Variants in SORCS2 observed in about 807,000 individuals in gnomAD.
SORCS2 encodes the protein sortilin related VPS10 domain containing receptor 2.
A neutral mutation model predicts 141.6 loss-of-function variants in SORCS2; 100 were observed. The observed-to-expected ratio is 0.71, with a 90% CI of 0.60 to 0.83. The LOEUF (loss-of-function observed/expected upper bound fraction) is 0.83. Ranked by LOEUF, SORCS2 falls within the 40% of genes least tolerant of loss-of-function variation. The pLI is 0.00. For missense variants in SORCS2, 1,646 were observed against 1,560.2 expected (o/e 1.05, Z -0.93); for synonymous variants, 789 against 676.9 (o/e 1.17, Z -2.57).
intron 1 of SORCS2, among the ~76,000 whole-genome samples, chr4:7,308,396 T>C (rs548034652): frequency 5.9e-5 from 9 of 152,220 alleles, no homozygotes; most frequent in African/African-American, 1.9e-4. Context: ...TGGGGACTTT[T>C]CTGGCCTGTG....
At chr4:7,200,959 C>A (rs1727452501) in intron 1 of SORCS2, among the ~76,000 whole-genome samples, 1 of 152,218 alleles carries the variant, frequency 6.6e-6, no homozygotes, top group Non-Finnish European at 1.5e-5. Context: ...GGCCTCAGCT[C>A]TTTACCGAGC....
intron 3 of SORCS2, among the ~76,000 whole-genome samples, chr4:7,558,399 C>T (rs1714287599): frequency 6.6e-6 from 1 of 152,076 alleles, no homozygotes; most frequent in Non-Finnish European, 1.5e-5. Flanking sequence ...TGCCAAGTGT[C>T]CCTTGGGGGC....
At chr4:7,520,557 A>T in intron 2 of SORCS2, among the ~76,000 whole-genome samples, 1 of 152,184 alleles carries the variant, frequency 6.6e-6, no homozygotes, top group East Asian at 1.9e-4. Context: ...GTGGGCTCAG[A>T]ATACCAGCAA....
chr4:7,640,860 C>T (rs1456498668), intron 4 of SORCS2, among the ~76,000 whole-genome samples: 3 of 152,128 alleles, frequency 2.0e-5, no homozygotes, highest in Non-Finnish European at 4.4e-5. Flanking sequence ...AGGAATAGCA[C>T]ATGCCTCTTT....
At chr4:7,682,987 A>T in intron 10 of SORCS2, 98 bp downstream of exon 10, 1 of 1,395,776 alleles carries the variant, frequency 7.2e-7, no homozygotes. Flanking sequence ...TCTGAGAAGG[A>T]CCATCTGAGA....
At chr4:7,529,216 C>T (rs765807194) in intron 2 of SORCS2, among the ~76,000 whole-genome samples, 2 of 152,218 alleles carry the variant, frequency 1.3e-5, no homozygotes, top group Non-Finnish European at 2.9e-5. Context: ...TCTGTGCAAA[C>T]ATCACCTTGT....
intron 1 of SORCS2, among the ~76,000 whole-genome samples, chr4:7,295,544 C>T (rs1716989665): frequency 6.6e-6 from 1 of 152,174 alleles, no homozygotes; most frequent in Admixed American, 6.5e-5. Flanking sequence ...GGGGCCAGAG[C>T]CCTTGCCCAG....
rs7686566 is a variant in SORCS2, at chr4:7,373,228, C to A, written c.481-23060C>A. 2.6e-5 allele frequency among the ~76,000 whole-genome samples: 4 copies of A among 151,390 alleles called. No homozygotes were observed. The East Asian group carries it at 7.8e-4, about 30-fold the overall frequency. On this transcript the variant is annotated intron_variant, in intron 1 of 26. Transcript: ENST00000507866. ...AGGTATGAGAGTTCTGGTTGCTCCA[C>A]GTCCTCTTCAGCACTTTTTTCAACT...
chr4:7,671,172 A>T (rs1324500046), intron 8 of SORCS2, among the ~76,000 whole-genome samples: 1 of 77,134 alleles, frequency 1.3e-5, no homozygotes, highest in East Asian at 4.5e-4. Flanking sequence ...ACAACCATCA[A>T]AAAATAAGAA....
At chr4:7,677,366 G>A (rs1337161232) in intron 9 of SORCS2, among the ~76,000 whole-genome samples, 1 of 152,240 alleles carries the variant, frequency 6.6e-6, no homozygotes, top group Non-Finnish European at 1.5e-5. Flanking sequence ...TGGCCAGCGA[G>A]GGGGGCTACT....
chr4:7,459,420 G>A lies in SORCS2; in HGVS notation c.548+63065G>A, dbSNP rs1017040501. ...GCTTGAGCCCAGCTGCTGAGTTTGA[G>A]CCCCTGTCTGGCTCAGTTTCCTTAT... On this transcript the variant is annotated intron_variant, in intron 2 of 26. Transcript: ENST00000507866. 3.3e-5 allele frequency among the ~76,000 whole-genome samples: 5 copies of A among 152,240 alleles called. No homozygotes were observed. In the East Asian group the frequency reaches 9.6e-4, roughly 29 times the overall value.
At chr4:7,217,712 G>A (rs1728448563) in intron 1 of SORCS2, among the ~76,000 whole-genome samples, 1 of 152,180 alleles carries the variant, frequency 6.6e-6, no homozygotes, top group Non-Finnish European at 1.5e-5. Context: ...GTGTGTGGGG[G>A]TGTGTGACAA....
At chr4:7,250,756 T>C (rs939716574) in intron 1 of SORCS2, among the ~76,000 whole-genome samples, 1 of 152,240 alleles carries the variant, frequency 6.6e-6, no homozygotes, top group South Asian at 2.1e-4. Context: ...GCGGCTGCAG[T>C]TGGGGCTGCT....
At chr4:7,396,476 G>A (rs1560250545) in intron 2 of SORCS2, 121 bp downstream of exon 2, 6 of 948,412 alleles carry the variant, frequency 6.3e-6, no homozygotes, top group South Asian at 3.3e-5. Flanking sequence ...CAGTGGCCTC[G>A]CAACTTTTCT....
At chr4:7,278,772 G>C (rs561332723) in intron 1 of SORCS2, among the ~76,000 whole-genome samples, 15 of 152,340 alleles carry the variant, frequency 9.8e-5, no homozygotes, top group Non-Finnish European at 2.1e-4. Context: ...AATGCTCCCT[G>C]TTTTCAAGCA....
intron 11 of SORCS2, among the ~76,000 whole-genome samples, chr4:7,693,326 T>C (rs79462543): frequency 0.028 from 4,324 of 152,282 alleles, 102 homozygotes; most frequent in Middle Eastern, 0.058. Context: ...GAGCCAGTGT[T>C]CCCGGACCCT....
chr4:7,563,580 G>C (rs1179757534), intron 3 of SORCS2, among the ~76,000 whole-genome samples: 1 of 152,174 alleles, frequency 6.6e-6, no homozygotes, highest in Non-Finnish European at 1.5e-5. Flanking sequence ...GTTTGGAGGG[G>C]AATCTGACCC....
intron 3 of SORCS2, among the ~76,000 whole-genome samples, chr4:7,544,257 T>C (rs1246685376): frequency 6.6e-6 from 1 of 152,220 alleles, no homozygotes. Context: ...ATCTATCCCA[T>C]GGCCATCTAT....
chr4:7,407,319 C>T (rs955582556), intron 2 of SORCS2, among the ~76,000 whole-genome samples: 2 of 152,044 alleles, frequency 1.3e-5, no homozygotes, highest in Non-Finnish European at 2.9e-5. Context: ...TCTATCTCTT[C>T]CTTTAGATTT....
Sources: allele counts gnomAD v4.1 joint callset (sites outside exome capture counted in the v4.1 genomes callset), GRCh38; gene constraint gnomAD v4.1.1; transcripts MANE v1.5; gene names NCBI Gene and HGNC (gene_info 2026-07-23, HGNC 2026-07-21).